Variants in OTOF observed in about 807,000 individuals in gnomAD.
The protein encoded by OTOF is otoferlin.
OTOF carries 218 observed loss-of-function variants against 236.8 expected under a neutral mutation model. The ratio of observed to expected loss-of-function variants is 0.92; its 90% CI spans 0.82 to 1.03. The LOEUF (loss-of-function observed/expected upper bound fraction) is 1.03, where lower values mean the gene tolerates loss of function less well. Ranked by LOEUF, OTOF falls within the 50% of genes least tolerant of loss-of-function variation. The pLI is 0.00. For missense variants in OTOF, 2,590 were observed against 2,694.4 expected (o/e 0.96, Z 0.86); for synonymous variants, 1,041 against 1,072.5 (o/e 0.97, Z 0.57).
chr2:26,523,023 C>T (rs753015173), intron 3 of OTOF, among the ~76,000 whole-genome samples: 64 of 152,236 alleles, frequency 4.2e-4, no homozygotes, highest in Admixed American at 1.0e-3. Flanking sequence ...CACAATAGAG[C>T]GGCAACTGGG....
rs923262990 is a variant in OTOF at position 26,457,916 on chromosome 2, C to T, written c.*322G>A. ...GGCCCCCGCAAGCAGGAGGCAGGCTCGGCCCAAGGCATGAAGAGTGGACGC... is the reference window on the plus strand; with the variant it reads ...GGCCCCCGCAAGCAGGAGGCAGGCTTGGCCCAAGGCATGAAGAGTGGACGC... On this transcript the variant is annotated 3_prime_UTR_variant, in exon 47 of 47. Transcript: ENST00000272371. The surrounding 1 kb of genome is among the most constrained non-coding windows in gnomAD (Gnocchi z 4.4). 19 of 1,011,674 alleles carry T rather than the reference C, an allele frequency of 1.9e-5. No individual in the cohort carries two copies. Among genetic ancestry groups the T allele is most frequent in the Admixed American group, 6.6e-5 (3 of 45,208 alleles). The allele number at this position is 1,011,674 out of a possible 1,614,324, so 62.7% of individuals were successfully genotyped here.
chr2:26,479,204 C>T, intron 18 of OTOF, 60 bp downstream of exon 18: 2 of 1,597,414 alleles, frequency 1.3e-6, no homozygotes, highest in African/African-American at 2.7e-5. Flanking sequence ...AGGGAAGGCC[C>T]TCTGACAGCG....
intron 16 of OTOF, 61 bp from the exon 17 acceptor site, chr2:26,479,714 C>A (rs1665476325): frequency 2.6e-6 from 4 of 1,537,746 alleles, no homozygotes; most frequent in Non-Finnish European, 3.6e-6. Flanking sequence ...CTCCCACCGT[C>A]CAATCCGGTG....
At chr2:26,546,024 A>G (rs965500771) in intron 1 of OTOF, among the ~76,000 whole-genome samples, 5 of 152,256 alleles carry the variant, frequency 3.3e-5, no homozygotes, top group Non-Finnish European at 7.3e-5. Flanking sequence ...CCAAAAACTT[A>G]GCTACTAATA....
intron 10 of OTOF, 98 bp from the exon 11 acceptor site, chr2:26,489,393 G>A (rs1040101412): frequency 2.4e-5 from 23 of 948,104 alleles, no homozygotes; most frequent in Non-Finnish European, 3.8e-5. Flanking sequence ...AAGTGGGAGG[G>A]CGTTGGCAGA....
Position 26,508,240 on chromosome 2 carries a change from G to A in OTOF, c.510-4395C>T, listed in dbSNP as rs1271015152. On this transcript the variant is annotated intron_variant, in intron 5 of 46. Coordinates refer to ENST00000272371, the MANE Select transcript of OTOF (RefSeq NM_194248.3). The stretch of plus-strand genomic sequence containing the variant: ...AGGGTCTGTGGTCCTTCTTTGCATT[G>A]CTCAAACAGCCCAATTTTCAAAACC... Among the ~76,000 whole-genome samples, 3 of 152,144 alleles carry A rather than the reference G, an allele frequency of 2.0e-5. No homozygotes were observed. In the East Asian group the frequency reaches 5.8e-4, roughly 29 times the overall value.
At position 26,532,092 on chromosome 2, in the gene OTOF, C is replaced by CAAAAAAAAAAAAAAA. The variant is rs150580671; in HGVS notation, c.139-4187_139-4173dup. Among the ~76,000 whole-genome samples the CAAAAAAAAAAAAAAA allele has an allele frequency of 7.7e-4, 62 of 80,192 alleles. 3 individuals carry two copies. The highest frequency in any genetic ancestry group is 3.5e-3 in the African/African-American group (56 of 15,816). The allele number at this position is 80,192 out of a possible 152,430, so 52.6% of individuals were successfully genotyped here. ...TGGGTGACAGAGTAAGACTCCACCT[C>CAAAAAAAAAAAAAAA]AAAAAAAAAAAAAAAAAAAAAAAGA... On this transcript the variant is annotated intron_variant, in intron 2 of 46. Transcript: ENST00000272371.
At chr2:26,542,093 C>A (rs539221753) in intron 1 of OTOF, among the ~76,000 whole-genome samples, 2 of 152,360 alleles carry the variant, frequency 1.3e-5, no homozygotes, top group African/African-American at 4.8e-5. Flanking sequence ...CAAATGGAGA[C>A]GAGCTCAGTG....
rs745696209 is a variant in OTOF, at chr2:26,474,579, C to T, written c.3222G>A (p.Glu1074=). The change falls in exon 26 of 47, where the codon GAG becomes GAA. Residue 1074 remains glutamate (E), a synonymous_variant. Transcript: ENST00000272371. ...YCPPRFPPQL[E]YYQIYRGNAT... ...CGTTGCCACGGTAGATCTGGTAGTA[C>T]TCGAGCTGAGGTGGGAAGCGGGGTG... 2 of 1,613,250 alleles carry T rather than the reference C, an allele frequency of 1.2e-6. No individual in the cohort carries two copies. The highest frequency in any genetic ancestry group is 1.3e-5 in the African/African-American group (1 of 75,072).
intron 11 of OTOF, among the ~76,000 whole-genome samples, chr2:26,486,323 T>A (rs868747373): frequency 9.1e-6 from 1 of 110,490 alleles, no homozygotes; most frequent in African/African-American, 3.6e-5. Context: ...GGTGGGTGGA[T>A]GGATTCACGG....
rs747443464 is a variant in OTOF, at chr2:26,480,236, C to T, written c.1879G>A (p.Gly627Arg). The T allele has an allele frequency of 6.2e-6, 10 of 1,612,642 alleles. No homozygotes were observed. The African/African-American group carries it at 6.7e-5, about 11-fold the overall frequency. ...LEASMIDRRN[G>R]DKPITFEVTI... ...ACCTCAAAGGTGATGGGCTTGTCTCCGTTTCTCCGGTCGATCATTGAGGCC... is the reference window on the plus strand; with the variant it reads ...ACCTCAAAGGTGATGGGCTTGTCTCTGTTTCTCCGGTCGATCATTGAGGCC... Residue 627 changes from glycine (G) to arginine (R), a missense_variant, in exon 16 of 47, where the codon GGA becomes AGA. Transcript: ENST00000272371.
intron 5 of OTOF, 53 bp downstream of exon 5, chr2:26,516,365 C>A: frequency 6.5e-7 from 1 of 1,548,360 alleles, no homozygotes; most frequent in East Asian, 2.2e-5. Flanking sequence ...GGCCCCAGGT[C>A]TCTTCCCCGT....
chr2:26,521,235 T>C (rs1349631829), intron 3 of OTOF, among the ~76,000 whole-genome samples: 1 of 152,228 alleles, frequency 6.6e-6, no homozygotes, highest in African/African-American at 2.4e-5. Context: ...TGGATGGCTA[T>C]TCAGCTGCCT....
chr2:26,524,004 A>G (rs1666742378), intron 3 of OTOF, among the ~76,000 whole-genome samples: 1 of 152,060 alleles, frequency 6.6e-6, no homozygotes, highest in Non-Finnish European at 1.5e-5. Context: ...CCACAAGGGG[A>G]CCTCTTCTTT....
At chr2:26,486,509 A>G (rs2148063775) in intron 11 of OTOF, among the ~76,000 whole-genome samples, 1 of 152,302 alleles carries the variant, frequency 6.6e-6, no homozygotes, top group African/African-American at 2.4e-5. Flanking sequence ...TGAATTGGGG[A>G]CATTTAGCAA....
At chr2:26,530,563 C>T (rs1289098021) in intron 2 of OTOF, among the ~76,000 whole-genome samples, 2 of 152,166 alleles carry the variant, frequency 1.3e-5, no homozygotes, top group Non-Finnish European at 2.9e-5. Flanking sequence ...GACTTGCTCC[C>T]ACCTTACAGT....
chr2:26,492,242 G>T (rs1438269847), intron 9 of OTOF, among the ~76,000 whole-genome samples: 1 of 152,136 alleles, frequency 6.6e-6, no homozygotes, highest in Non-Finnish European at 1.5e-5. Flanking sequence ...ACTAAGGGGA[G>T]TTGCTATTGG....
At position 26,464,909 on chromosome 2, in the gene OTOF, G is replaced by A; in HGVS notation, c.4920C>T (p.Asn1640=). The change falls in exon 39 of 47, where the codon AAC becomes AAT. Residue 1640 remains asparagine (N), a synonymous_variant. Coordinates refer to ENST00000272371, the MANE Select transcript of OTOF (RefSeq NM_194248.3). ...FGPPGRVKVA[N]RVFTGPSEIE... is the part of the protein sequence containing the mutation. ...TCTCAGAGGGCCCAGTGAAGACGCG[G>A]TTGGCCACCTTCACTCTCCCAGGGG... The A allele has an allele frequency of 6.3e-7, 1 of 1,597,908 alleles. No homozygotes were observed. Among genetic ancestry groups the A allele is most frequent in the Non-Finnish European group, 8.5e-7 (1 of 1,171,834 alleles).
chr2:26,492,608 G>A (rs921641251), intron 9 of OTOF, among the ~76,000 whole-genome samples: 5 of 152,170 alleles, frequency 3.3e-5, no homozygotes, highest in Non-Finnish European at 4.4e-5. Context: ...TCTGGTGTGC[G>A]GCAGATGCTC....
Sources: allele counts gnomAD v4.1 joint callset (sites outside exome capture counted in the v4.1 genomes callset), GRCh38; gene constraint gnomAD v4.1.1; non-coding constraint Gnocchi (gnomAD v3.1); transcripts MANE v1.5; gene names NCBI Gene and HGNC (gene_info 2026-07-23, HGNC 2026-07-21).